RBFOX1: variants seen among roughly 807,000 people sequenced by gnomAD.
The protein encoded by RBFOX1 is RNA binding fox-1 homolog 1.
RBFOX1 carries 8 observed loss-of-function variants against 57.7 expected under a neutral mutation model. That is an observed-to-expected ratio of 0.14 (90% CI 0.08 to 0.25). RBFOX1 has a LOEUF of 0.25. Among genes scored for constraint, RBFOX1 ranks in the 10% least tolerant of loss-of-function variants. The probability of loss-of-function intolerance (pLI) is 1.00; values close to 1 mark genes in which losing one functional copy is unlikely to be tolerated. For synonymous variants in RBFOX1, 326 were observed against 222.4 expected, an observed-to-expected ratio of 1.47 and a Z score of -4.15; for missense variants, 611 against 548.5, an observed-to-expected ratio of 1.11 and a Z score of -1.14.
chr16:7,122,634 A>T (rs1213040714), intron 4 of RBFOX1, among the ~76,000 whole-genome samples: 1 of 152,176 alleles, frequency 6.6e-6, no homozygotes. Flanking sequence ...ACATAGAACA[A>T]TGCAGACATT....
At chr16:6,934,037 C>T (rs1023116472) in intron 3 of RBFOX1, among the ~76,000 whole-genome samples, 6 of 152,190 alleles carry the variant, frequency 3.9e-5, no homozygotes, top group Non-Finnish European at 5.9e-5. Flanking sequence ...GCACACTGGG[C>T]TAGAGCTGCT....
At chr16:5,720,490 G>A (rs1444229441) in intron 3 of RBFOX1, among the ~76,000 whole-genome samples, 1 of 151,966 alleles carries the variant, frequency 6.6e-6, no homozygotes, top group African/African-American at 2.4e-5. Context: ...TGCTTTTATT[G>A]TCATATTAAC....
intron 1 of RBFOX1, among the ~76,000 whole-genome samples, chr16:6,306,766 C>A (rs753479677): frequency 2.0e-5 from 3 of 152,190 alleles, no homozygotes; most frequent in Admixed American, 6.5e-5. Flanking sequence ...CTAAAAGAAT[C>A]TGTCTGCAGG....
chr16:5,880,630 T>C (rs2057739416), intron 4 of RBFOX1, among the ~76,000 whole-genome samples: 2 of 152,174 alleles, frequency 1.3e-5, no homozygotes, highest in African/African-American at 4.8e-5. Context: ...GATGGGTGTC[T>C]GGACTTTGGA....
At chr16:5,501,892 A>T (rs1160055564) in intron 2 of RBFOX1, among the ~76,000 whole-genome samples, 1 of 151,390 alleles carries the variant, frequency 6.6e-6, no homozygotes, top group Non-Finnish European at 1.5e-5. Flanking sequence ...ATTTTTATTT[A>T]TTTATTTTTT....
At chr16:5,391,987 C>T (rs1246521440) in intron 1 of RBFOX1, among the ~76,000 whole-genome samples, 1 of 151,898 alleles carries the variant, frequency 6.6e-6, no homozygotes, top group Non-Finnish European at 1.5e-5. Flanking sequence ...TCACAGCGAC[C>T]TGGATGGAAT....
At chr16:7,026,119 G>A (rs978382330) in intron 3 of RBFOX1, among the ~76,000 whole-genome samples, 1 of 152,158 alleles carries the variant, frequency 6.6e-6, no homozygotes, top group Non-Finnish European at 1.5e-5. Flanking sequence ...ACAGGCCAGG[G>A]TGGAAATGGC....
chr16:7,648,034 A>G (rs1054004693), intron 11 of RBFOX1, among the ~76,000 whole-genome samples: 1 of 152,136 alleles, frequency 6.6e-6, no homozygotes, highest in Non-Finnish European at 1.5e-5. Flanking sequence ...CCTACAGACC[A>G]CCACACCTGT....
chr16:5,719,844 G>A (rs1370337368), intron 3 of RBFOX1, among the ~76,000 whole-genome samples: 1 of 152,234 alleles, frequency 6.6e-6, no homozygotes, highest in Non-Finnish European at 1.5e-5. Context: ...TGGCTATTAT[G>A]AATAGTGCTG....
At chr16:7,567,216 C>CATATATATATCTCTATATAAATATCT (rs2091939440) in intron 5 of RBFOX1, among the ~76,000 whole-genome samples, 1 of 111,304 alleles carries the variant, frequency 9.0e-6, no homozygotes. Flanking sequence ...TATAAATATC[C>CATATATATATCTCTATATAAATATCT]ATATATATAT....
intron 1 of RBFOX1, among the ~76,000 whole-genome samples, chr16:6,111,210 G>A (rs1391163380): frequency 6.6e-6 from 1 of 152,152 alleles, no homozygotes; most frequent in Non-Finnish European, 1.5e-5. Flanking sequence ...ACACTGACTT[G>A]CTGGAACAGA....
At chr16:7,166,591 C>T (rs1382440364) in intron 4 of RBFOX1, among the ~76,000 whole-genome samples, 1 of 152,150 alleles carries the variant, frequency 6.6e-6, no homozygotes, top group South Asian at 2.1e-4. Flanking sequence ...CGGTTATGGG[C>T]TGTGTGCCTT....
At chr16:6,151,914 A>G (rs148879458) in intron 1 of RBFOX1, among the ~76,000 whole-genome samples, 59 of 152,332 alleles carry the variant, frequency 3.9e-4, no homozygotes, top group African/African-American at 1.1e-3. Context: ...AAGATGGTAT[A>G]GAAGTTACTT....
At chr16:5,796,340 C>A (rs963258203) in intron 3 of RBFOX1, among the ~76,000 whole-genome samples, 1 of 152,166 alleles carries the variant, frequency 6.6e-6, no homozygotes, top group African/African-American at 2.4e-5. Flanking sequence ...TGGCCACGAG[C>A]AAGGAATCAG....
chr16:5,441,808 C>T (rs899293951), intron 1 of RBFOX1, among the ~76,000 whole-genome samples: 1 of 152,082 alleles, frequency 6.6e-6, no homozygotes, highest in Non-Finnish European at 1.5e-5. Context: ...AAGGGGGAAG[C>T]CTCTTATAAA....
chr16:6,204,629 T>A (rs2097241201), intron 1 of RBFOX1, among the ~76,000 whole-genome samples: 2 of 152,190 alleles, frequency 1.3e-5, no homozygotes, highest in African/African-American at 4.8e-5. Context: ...GAGACTAATT[T>A]GTAGGCACAT....
chr16:6,052,494 T>G (rs1204407610), intron 1 of RBFOX1, among the ~76,000 whole-genome samples: 1 of 152,050 alleles, frequency 6.6e-6, no homozygotes, highest in African/African-American at 2.4e-5. Flanking sequence ...ATAATTATAA[T>G]AATGCCTAGG....
At chr16:5,611,618 C>T (rs1254466626) in intron 3 of RBFOX1, among the ~76,000 whole-genome samples, 2 of 152,076 alleles carry the variant, frequency 1.3e-5, no homozygotes, top group Non-Finnish European at 2.9e-5. Flanking sequence ...AGTGATTCAC[C>T]TATCCATCTG....
chr16:7,553,072 T>C (rs569169472), intron 5 of RBFOX1, among the ~76,000 whole-genome samples: 1 of 152,278 alleles, frequency 6.6e-6, no homozygotes, highest in South Asian at 2.1e-4. Flanking sequence ...TCCTTCCTTC[T>C]TTCATTCCTT....
Sources: allele counts gnomAD v4.1 joint callset (sites outside exome capture counted in the v4.1 genomes callset), GRCh38; gene constraint gnomAD v4.1.1; transcripts MANE v1.5; gene names NCBI Gene and HGNC (gene_info 2026-07-23, HGNC 2026-07-21).